The following IGSF23 variants were observed in gnomAD, a reference collection of about 807,000 sequenced individuals.
The protein encoded by IGSF23 is immunoglobulin superfamily member 23, also known as immunoglobulin superfamily, member 23.
In IGSF23, 14 loss-of-function variants were observed where a neutral mutation model predicts 17.8. The ratio of observed to expected loss-of-function variants is 0.79; its 90% CI spans 0.52 to 1.23. The LOEUF is 1.23. Ranked by LOEUF, IGSF23 falls within the 50% of genes most tolerant of loss-of-function variation. IGSF23 has a pLI of 0.00. For synonymous variants in IGSF23, 85 were observed against 92.5 expected, an observed-to-expected ratio of 0.92 and a Z score of 0.46; for missense variants, 214 against 241.7, an observed-to-expected ratio of 0.89 and a Z score of 0.76.
At chr19:44,635,286 T>C (rs1972862025) in intron 3 of IGSF23, 115 bp from the exon 4 acceptor site, 2 of 776,616 alleles carry the variant, frequency 2.6e-6, no homozygotes, top group Non-Finnish European at 2.1e-6. Context: ...TATAGTCACA[T>C]TGGAGGGTTA....
At chr19:44,617,714 G>A (rs745646327) in intron 1 of IGSF23, among the ~76,000 whole-genome samples, 2 of 152,154 alleles carry the variant, frequency 1.3e-5, no homozygotes, top group South Asian at 2.1e-4. Flanking sequence ...TTGGGTAGGA[G>A]TAAATGGAGC....
intron 1 of IGSF23, among the ~76,000 whole-genome samples, chr19:44,618,397 G>A (rs769781451): frequency 1.1e-4 from 16 of 152,144 alleles, no homozygotes; most frequent in Admixed American, 5.9e-4. Flanking sequence ...GGAGTGTGAC[G>A]GAGCAGATCC....
chr19:44,627,647 A>G, intron 3 of IGSF23, 74 bp downstream of exon 3: 2 of 1,451,514 alleles, frequency 1.4e-6, no homozygotes, highest in Non-Finnish European at 1.8e-6. Flanking sequence ...CTGGCTCAAC[A>G]AGGAAACAGA....
chr19:44,627,749 A>C (rs1336445723), intron 3 of IGSF23, among the ~76,000 whole-genome samples, 176 bp downstream of exon 3: 2 of 152,146 alleles, frequency 1.3e-5, no homozygotes, highest in Non-Finnish European at 2.9e-5. Flanking sequence ...CACAGCAACA[A>C]AGAGATAGAA....
At chr19:44,614,355 T>A (rs1354700528) in intron 1 of IGSF23, among the ~76,000 whole-genome samples, 2 of 152,144 alleles carry the variant, frequency 1.3e-5, no homozygotes, top group African/African-American at 2.4e-5. Context: ...ATAACAATCA[T>A]AAAATAATAA....
chr19:44,624,183 CTTCTT>C (rs1169181042), intron 2 of IGSF23, among the ~76,000 whole-genome samples: 2 of 151,978 alleles, frequency 1.3e-5, no homozygotes, highest in African/African-American at 4.8e-5. Flanking sequence ...TCCTCTTCTT[CTTCTT>C]TTCTTTCTTC....
At chr19:44,625,624 G>T (rs1217458462) in intron 2 of IGSF23, among the ~76,000 whole-genome samples, 1 of 152,208 alleles carries the variant, frequency 6.6e-6, no homozygotes, top group Admixed American at 6.5e-5. Context: ...GAGTTTGGCA[G>T]AACAACTGTC....
At chr19:44,616,959 C>A (rs1000668501) in intron 1 of IGSF23, among the ~76,000 whole-genome samples, 1 of 151,714 alleles carries the variant, frequency 6.6e-6, no homozygotes, top group East Asian at 1.9e-4. Context: ...AGTGCAGTGG[C>A]AGGATCATAG....
intron 1 of IGSF23, 134 bp from the exon 2 acceptor site, chr19:44,623,573 A>G (rs970490085): frequency 1.0e-6 from 1 of 980,852 alleles, no homozygotes; most frequent in Non-Finnish European, 1.5e-6. Context: ...AGGCTCTTCA[A>G]ACACATTCAT....
chr19:44,629,352 G>A (rs1367615818), intron 3 of IGSF23, among the ~76,000 whole-genome samples: 1 of 152,058 alleles, frequency 6.6e-6, no homozygotes, highest in African/African-American at 2.4e-5. Context: ...AGGAGTTTGA[G>A]ACCGGCCTGG....
rs151195639 is a variant in IGSF23, at chr19:44,613,925, G to A, written c.125+155G>A. On this transcript the variant is annotated intron_variant, in intron 1 of 4. Coordinates refer to ENST00000402988, the MANE Select transcript of IGSF23 (RefSeq NM_001205280.2). ...TCTGCACAGTCCCTGGACAGAACACGAGATGAGGGGTCCTCTGGACGTCAG... is the reference window on the plus strand; with the variant it reads ...TCTGCACAGTCCCTGGACAGAACACAAGATGAGGGGTCCTCTGGACGTCAG... 3.9e-4 allele frequency: 608 copies of A among 1,547,440 alleles called. 6 individuals are homozygous for A. The East Asian group carries it at 0.014, about 35-fold the overall frequency.
chr19:44,624,287 C>CT (rs1972590915), intron 2 of IGSF23, among the ~76,000 whole-genome samples: 1 of 147,272 alleles, frequency 6.8e-6, no homozygotes, highest in African/African-American at 2.5e-5. Context: ...ACTTCTTCTT[C>CT]TTCTTTTTTT....
rs1281250488 is a variant in IGSF23 at position 44,613,720 on chromosome 19, C to A, written c.75C>A (p.Asp25Glu). 6.4e-7 allele frequency: 1 copy of A among 1,550,566 alleles called. No homozygotes were observed. The highest frequency in any genetic ancestry group is 2.0e-5 in the Admixed American group (1 of 51,004). ...GGTCCCCACCCACCACCACCACTGA[C>A]CCGATGCTAGAGAAGGATGCGGCTG... ...PAWSPPTTTTDPMLEKDAAGG... is the reference protein window; with the variant it reads ...PAWSPPTTTTEPMLEKDAAGG... The change falls in exon 1 of 5, where the codon GAC (aspartate) becomes GAA (glutamate). Residue 25 changes from aspartate (D) to glutamate (E), a missense_variant. Asp to Glu is a conservative substitution (Grantham distance 45, BLOSUM62 2). Transcript: ENST00000402988.
intron 3 of IGSF23, among the ~76,000 whole-genome samples, chr19:44,634,626 A>G (rs1599746968): frequency 1.3e-5 from 2 of 152,220 alleles, no homozygotes; most frequent in Admixed American, 1.3e-4. Flanking sequence ...CCTCCAGAAA[A>G]GAAAGAACTG....
intron 1 of IGSF23, among the ~76,000 whole-genome samples, chr19:44,621,473 AC>A (rs1185441987): frequency 6.6e-6 from 1 of 151,086 alleles, no homozygotes; most frequent in Non-Finnish European, 1.5e-5. Flanking sequence ...ACATGGTGAG[AC>A]CCCATCTCTA....
At chr19:44,620,430 G>A (rs1972493873) in intron 1 of IGSF23, among the ~76,000 whole-genome samples, 1 of 150,726 alleles carries the variant, frequency 6.6e-6, no homozygotes, top group African/African-American at 2.4e-5. Flanking sequence ...GAAGTGGTGC[G>A]ATCTCGGCTC....
chr19:44,613,590 G>A lies in IGSF23; in HGVS notation c.-56G>A, dbSNP rs897360810. The A allele has an allele frequency of 1.1e-5, 17 of 1,494,494 alleles. No individual in the cohort carries two copies. Among genetic ancestry groups the A allele is most frequent in the Admixed American group, 4.3e-5 (2 of 46,598 alleles). The allele number at this position is 1,494,494 out of a possible 1,614,324, so 92.6% of individuals were successfully genotyped here. A position where few individuals can be genotyped will look rare whatever the true frequency, so the allele number is the denominator to read the frequency against. On this transcript the variant is annotated 5_prime_UTR_variant, in exon 1 of 5. Coordinates refer to ENST00000402988, the MANE Select transcript of IGSF23 (RefSeq NM_001205280.2). ...TCCTTGCCTTTGATGTGAGTGATAG[G>A]AGCGGGCGATTCTGCTTCTCCCTCC...
chr19:44,627,383 G>C (rs1972674516), intron 2 of IGSF23, 37 bp from the exon 3 acceptor site: 1 of 1,475,616 alleles, frequency 6.8e-7, no homozygotes, highest in South Asian at 1.3e-5. Context: ...AGGGCGGGCA[G>C]ATGGCTCCTC....
intron 1 of IGSF23, among the ~76,000 whole-genome samples, chr19:44,622,204 T>C (rs1972537737): frequency 6.7e-6 from 1 of 148,858 alleles, no homozygotes; most frequent in Non-Finnish European, 1.5e-5. Flanking sequence ...AAACTCCGTT[T>C]CAAGAAAAAA....
Sources: gnomAD v4.1 joint callset for allele counts (sites outside exome capture counted in the v4.1 genomes callset) on GRCh38, gnomAD v4.1.1 for gene constraint, MANE v1.5 for transcripts, NCBI Gene and HGNC (gene_info 2026-07-23, HGNC 2026-07-21) for gene names.